KLHL6: variants seen among roughly 807,000 people sequenced by gnomAD.
KLHL6 encodes kelch-like protein 6.
A neutral mutation model predicts 58.6 loss-of-function variants in KLHL6; 41 were observed. The observed-to-expected ratio is 0.70, with a 90% CI of 0.55 to 0.91. KLHL6 has a LOEUF of 0.91. KLHL6 is among the 40% of genes least tolerant of loss of function. KLHL6 has a pLI of 0.00. For missense variants in KLHL6, 714 were observed against 805.6 expected (o/e 0.89, Z 1.38); for synonymous variants, 338 against 322.7 (o/e 1.05, Z -0.51).
intron 3 of KLHL6, among the ~76,000 whole-genome samples, chr3:183,506,701 G>A (rs1330639980): frequency 6.6e-6 from 1 of 152,000 alleles, no homozygotes; most frequent in Non-Finnish European, 1.5e-5. Flanking sequence ...GGTAGCACAT[G>A]CCTGTACTCC....
rs762237974 is a variant in KLHL6, at chr3:183,508,392, C to T, written c.576G>A (p.Gln192=). Residue 192 remains glutamine (Q), a synonymous_variant, in exon 3 of 7, where the codon CAG becomes CAA. Transcript: ENST00000341319. Reference sequence around the variant, plus strand: ...AGTTTTGAATGATGTAACTCTGAACCTGCTTCTTTAGACTGTCCAGCGAGT... The same window carrying T: ...AGTTTTGAATGATGTAACTCTGAACTTGCTTCTTTAGACTGTCCAGCGAGT... ...DTHSLDSLKK[Q]VQSYIIQNFV... The T allele has an allele frequency of 6.2e-7, 1 of 1,614,210 alleles. No homozygotes were observed. The highest frequency in any genetic ancestry group is 2.2e-5 in the East Asian group (1 of 44,886).
intron 1 of KLHL6, among the ~76,000 whole-genome samples, chr3:183,534,101 C>CTGTACT (rs1712263205): frequency 1.5e-5 from 2 of 137,890 alleles, no homozygotes; most frequent in African/African-American, 5.4e-5. Context: ...TTTTAAAGTA[C>CTGTACT]TTTAAAAGTA....
rs1357505253 is a variant in KLHL6 at position 183,508,309 on chromosome 3, T to C, written c.659A>G (p.His220Arg). Residue 220 changes from histidine to arginine, a missense_variant, in exon 3 of 7, where the codon CAC (histidine) becomes CGC (arginine). This residue lies in a region of KLHL6 where 510 missense variants were observed against 629.7 expected (regional missense o/e 0.81). Coordinates refer to ENST00000341319, the MANE Select transcript of KLHL6 (RefSeq NM_130446.4). The stretch of plus-strand genomic sequence containing the variant: ...GTAAAGGTCATCACTCTTCAAGATG[T>C]GGTGCAGAGTGTCCACGGGCAGGTC... ...FLDLPVDTLH[H>R]ILKSDDLYVT... 3 of 1,614,236 alleles carry C rather than the reference T, an allele frequency of 1.9e-6. No homozygotes were observed. In the Admixed American group the frequency reaches 5.0e-5, roughly 27 times the overall value.
At chr3:183,540,288 C>T (rs1420187452) in intron 1 of KLHL6, among the ~76,000 whole-genome samples, 2 of 152,176 alleles carry the variant, frequency 1.3e-5, no homozygotes, top group Non-Finnish European at 2.9e-5. Context: ...TGTGTGAATA[C>T]ATTCCCTGAG....
intron 1 of KLHL6, among the ~76,000 whole-genome samples, chr3:183,538,407 T>C (rs549663413): frequency 9.2e-5 from 14 of 152,318 alleles, no homozygotes; most frequent in Admixed American, 2.6e-4. Context: ...CCCCCTGTTC[T>C]GTCCTTCCTC....
chr3:183,514,289 C>T (rs575882870), intron 2 of KLHL6, among the ~76,000 whole-genome samples: 1 of 152,164 alleles, frequency 6.6e-6, no homozygotes, highest in African/African-American at 2.4e-5. Flanking sequence ...GTCCTACCCC[C>T]ACCCCTTCAA....
intron 1 of KLHL6, among the ~76,000 whole-genome samples, chr3:183,544,040 G>A (rs1712637126): frequency 6.6e-6 from 1 of 152,054 alleles, no homozygotes; most frequent in Admixed American, 6.6e-5. Context: ...GCACACGCCT[G>A]TAGTCCCAGC....
At chr3:183,530,109 G>A (rs138369626) in intron 1 of KLHL6, among the ~76,000 whole-genome samples, 1 of 152,174 alleles carries the variant, frequency 6.6e-6, no homozygotes, top group African/African-American at 2.4e-5. Context: ...CCATCCAGTC[G>A]ATGGTGTTTT....
Position 183,489,060 on chromosome 3 carries a change from CAG to C in KLHL6, c.*2865_*2866del, listed in dbSNP as rs1421723122. The C allele has an allele frequency of 6.6e-6, 1 of 152,198 alleles. No individual in the cohort carries two copies. Among genetic ancestry groups the C allele is most frequent in the Non-Finnish European group, 1.5e-5 (1 of 68,042 alleles). 9.4% of individuals were successfully genotyped at this position (152,198 alleles called of 1,614,324 possible). ...TACATTTAGAATCAGGTTTATAGCA[CAG>C]AAATCCCAAATCCTCACTTTCCCAG... On this transcript the variant is annotated 3_prime_UTR_variant, in exon 7 of 7. Coordinates refer to ENST00000341319, the MANE Select transcript of KLHL6 (RefSeq NM_130446.4).
chr3:183,518,846 C>G (rs1257904395), intron 2 of KLHL6, among the ~76,000 whole-genome samples: 1 of 152,050 alleles, frequency 6.6e-6, no homozygotes, highest in Non-Finnish European at 1.5e-5. Context: ...CTTTTCCCAC[C>G]CTGGAGGCAA....
chr3:183,518,353 G>A (rs1711627906), intron 2 of KLHL6, among the ~76,000 whole-genome samples: 1 of 152,024 alleles, frequency 6.6e-6, no homozygotes, highest in South Asian at 2.1e-4. Flanking sequence ...CAGAGACATG[G>A]TCAACATCAA....
At position 183,499,740 on chromosome 3, in the gene KLHL6, AC is replaced by A. The variant is rs1560092496; in HGVS notation, c.996del (p.Phe333LeufsTer5). On this transcript the variant is annotated frameshift_variant, in exon 4 of 7. Transcript: ENST00000341319. LOFTEE classifies it high-confidence loss of function. This position sits in a 1 kb window ranked among gnomAD's most constrained non-coding sequence, Gnocchi z 4.6. ...TCCAGGCAGGTCACCTCTGCCACAAACCGTTCATCCTTCGTGCAGCCGCCAA... is the reference window on the plus strand; with the variant it reads ...TCCAGGCAGGTCACCTCTGCCACAAACGTTCATCCTTCGTGCAGCCGCCAA... Reference protein sequence around the residue: ...MIIGGCTKDERFVAEVTCLDP... With the variant: ...MIIGGCTKDEXFVAEVTCLDP... 6.2e-7 allele frequency: 1 copy of A among 1,610,404 alleles called. No individual in the cohort carries two copies.
In KLHL6 at chr3:183,491,972, C is replaced by T. The variant is rs1006175346; in HGVS notation, c.1821G>A (p.Ser607=). ...SHHGSVTIRK[S]YTHIRRIVPG... ...GCACGATCCTGCGGATGTGGGTGTA[C>T]GACTTCCTGATGGTGACGCTGCCGT... Residue 607 remains serine (S), a synonymous_variant, in exon 7 of 7, where the codon TCG becomes TCA. Coordinates refer to ENST00000341319, the MANE Select transcript of KLHL6 (RefSeq NM_130446.4). 1 of 1,563,586 alleles carries T rather than the reference C, an allele frequency of 6.4e-7. No individual in the cohort carries two copies. Among genetic ancestry groups the T allele is most frequent in the Non-Finnish European group, 8.7e-7 (1 of 1,152,972 alleles).
chr3:183,503,884 G>A (rs1717934775), intron 3 of KLHL6, among the ~76,000 whole-genome samples: 1 of 152,216 alleles, frequency 6.6e-6, no homozygotes, highest in Non-Finnish European at 1.5e-5. Flanking sequence ...TGTTCACAGA[G>A]TAGCCTCCAG....
At chr3:183,497,662 T>C (rs905494903) in intron 4 of KLHL6, among the ~76,000 whole-genome samples, 1 of 152,142 alleles carries the variant, frequency 6.6e-6, no homozygotes, top group African/African-American at 2.4e-5. Context: ...CTTAGCTTTT[T>C]TCTTGTCCCT....
In KLHL6 at chr3:183,492,516, G is replaced by C; in HGVS notation, c.1542C>G (p.Phe514Leu). ...CACCAACGACATAGATGCGGTCCCG[G>C]AAACTCACTGCATTGATGCATTTAG... ...VEAKCINAVS[F>L]RDRIYVVGGA... Residue 514 changes from phenylalanine to leucine, a missense_variant, in exon 6 of 7, where the codon TTC (phenylalanine) becomes TTG (leucine). Physicochemically the swap from Phe to Leu is conservative, Grantham distance 22. This residue lies in a region of KLHL6 where 510 missense variants were observed against 629.7 expected (regional missense o/e 0.81). Transcript: ENST00000341319. This position sits in a 1 kb window ranked among gnomAD's most constrained non-coding sequence, Gnocchi z 5.9. 6.2e-7 allele frequency: 1 copy of C among 1,614,204 alleles called. No individual in the cohort carries two copies.
intron 2 of KLHL6, among the ~76,000 whole-genome samples, chr3:183,522,003 A>G (rs1177309606): frequency 2.7e-5 from 4 of 148,704 alleles, no homozygotes; most frequent in East Asian, 2.1e-4. Flanking sequence ...CTAGACTTAC[A>G]TGACTTTAAA....
Position 183,492,083 on chromosome 3 carries a change from G to A in KLHL6, c.1710C>T (p.Asn570=), listed in dbSNP as rs2108662080. The part of the protein sequence containing the change: ...LYITGGRDEK[N]EVIATVLCWD... Reference sequence around the variant, plus strand: ...AGCACAGCACCGTGGCGATAACCTCGTTCTTCTCGTCCCGCCCGCCGGTGA... The same window carrying A: ...AGCACAGCACCGTGGCGATAACCTCATTCTTCTCGTCCCGCCCGCCGGTGA... The change falls in exon 7 of 7, where the codon AAC becomes AAT. Residue 570 remains asparagine (N), a synonymous_variant. Coordinates refer to ENST00000341319, the MANE Select transcript of KLHL6 (RefSeq NM_130446.4). This position sits in a 1 kb window ranked among gnomAD's most constrained non-coding sequence, Gnocchi z 5.9. 1 of 1,613,876 alleles carries A rather than the reference G, an allele frequency of 6.2e-7. No homozygotes were observed. The highest frequency in any genetic ancestry group is 8.5e-7 in the Non-Finnish European group (1 of 1,180,008).
intron 1 of KLHL6, among the ~76,000 whole-genome samples, chr3:183,553,801 C>A (rs745811454): frequency 1.3e-5 from 2 of 152,138 alleles, no homozygotes; most frequent in African/African-American, 4.8e-5. Flanking sequence ...CCACCTTCAT[C>A]ATGCTGTTAC....
Sources: allele counts gnomAD v4.1 joint callset (sites outside exome capture counted in the v4.1 genomes callset), GRCh38; gene constraint gnomAD v4.1.1; regional missense constraint gnomAD v4.1.1; non-coding constraint Gnocchi (gnomAD v3.1); transcripts MANE v1.5; gene names NCBI Gene and HGNC (gene_info 2026-07-23, HGNC 2026-07-21).